Variants in RREB1 observed in about 807,000 individuals in gnomAD.
RREB1 encodes the protein ras responsive element binding protein 1, also known as ras-responsive element-binding protein 1.
Under a neutral mutation model 117.8 loss-of-function variants are expected in RREB1, and 27 were observed. The observed-to-expected ratio is 0.23, with a 90% CI of 0.17 to 0.32. The LOEUF (loss-of-function observed/expected upper bound fraction) is 0.32. RREB1 is among the 10% of genes least tolerant of loss of function. RREB1 has a pLI of 1.00. For synonymous variants in RREB1, 1,298 were observed against 1,026.7 expected, an observed-to-expected ratio of 1.26 and a Z score of -5.05; for missense variants, 2,577 against 2,378.2, an observed-to-expected ratio of 1.08 and a Z score of -1.74.
At chr6:7,172,695 G>GGC (rs1262439909) in intron 1 of RREB1, among the ~76,000 whole-genome samples, 3 of 146,392 alleles carry the variant, frequency 2.0e-5, no homozygotes, top group Admixed American at 2.0e-4. Context: ...CCGGTGTGGG[G>GGC]GGGTGGGGGT....
At chr6:7,238,564 T>TG (rs1172583226) in intron 10 of RREB1, among the ~76,000 whole-genome samples, 1 of 152,156 alleles carries the variant, frequency 6.6e-6, no homozygotes, top group East Asian at 1.9e-4. Context: ...AGACGCACCA[T>TG]GAACACTGAC....
chr6:7,126,569 G>C (rs1380491836), intron 1 of RREB1, among the ~76,000 whole-genome samples: 1 of 152,056 alleles, frequency 6.6e-6, no homozygotes, highest in Non-Finnish European at 1.5e-5. Flanking sequence ...GTGCTGGCAG[G>C]ACTGTTTTGA....
At chr6:7,204,085 C>T (rs1766137369) in intron 6 of RREB1, among the ~76,000 whole-genome samples, 1 of 152,176 alleles carries the variant, frequency 6.6e-6, no homozygotes, top group Admixed American at 6.5e-5. Context: ...CACTTCATGC[C>T]AGGCTGACTT....
At chr6:7,170,781 T>C (rs1764168693) in intron 1 of RREB1, among the ~76,000 whole-genome samples, 1 of 152,196 alleles carries the variant, frequency 6.6e-6, no homozygotes, top group Non-Finnish European at 1.5e-5. Context: ...TGGTTTTTGC[T>C]CTGGAGGTGT....
chr6:7,181,774 C>A, intron 3 of RREB1, 96 bp from the exon 4 acceptor site: 1 of 855,860 alleles, frequency 1.2e-6, no homozygotes, highest in Non-Finnish European at 1.9e-6. Context: ...ATGTTTTTGA[C>A]CTGAATTACA....
At chr6:7,121,809 G>C (rs1438605112) in intron 1 of RREB1, among the ~76,000 whole-genome samples, 2 of 152,000 alleles carry the variant, frequency 1.3e-5, no homozygotes, top group Admixed American at 1.3e-4. Flanking sequence ...AAAACCGACA[G>C]TGACGTGTTT....
chr6:7,229,768 G>A lies in RREB1; in HGVS notation c.1669G>A (p.Ala557Thr), dbSNP rs948467984. 1 of 1,605,570 alleles carries A rather than the reference G, an allele frequency of 6.2e-7. No individual in the cohort carries two copies. Among genetic ancestry groups the A allele is most frequent in the Non-Finnish European group, 8.5e-7 (1 of 1,174,662 alleles). Reference sequence around the variant, plus strand: ...GCTCCTCAAAGGCTCAGTGGAGGCGGCCTCCAACGCCCACCTGCTGCAGTC... The same window carrying A: ...GCTCCTCAAAGGCTCAGTGGAGGCGACCTCCAACGCCCACCTGCTGCAGTC... ...LKLLKGSVEA[A>T]SNAHLLQSKS... The change falls in exon 10 of 13, where the codon GCC becomes ACC. Residue 557 changes from alanine (A) to threonine (T), a missense_variant. Physicochemically the swap from Ala to Thr is moderately conservative, Grantham distance 58 (BLOSUM62 0). Transcript: ENST00000379938. The surrounding 1 kb of genome is among the most constrained non-coding windows in gnomAD (Gnocchi z 4.5).
chr6:7,140,237 GTTTT>G (rs199748432), intron 1 of RREB1, among the ~76,000 whole-genome samples: 2 of 151,240 alleles, frequency 1.3e-5, no homozygotes, highest in Admixed American at 6.6e-5. Context: ...TTAAAACATG[GTTTT>G]TTTTTCTTTC....
intron 1 of RREB1, among the ~76,000 whole-genome samples, chr6:7,160,429 A>G (rs777631045): frequency 2.0e-5 from 3 of 152,232 alleles, no homozygotes; most frequent in African/African-American, 7.2e-5. Context: ...GACTTTATCC[A>G]TAAGTATAGC....
At chr6:7,130,939 T>G (rs1008692585) in intron 1 of RREB1, among the ~76,000 whole-genome samples, 5 of 129,886 alleles carry the variant, frequency 3.8e-5, no homozygotes, top group Non-Finnish European at 6.5e-5. Flanking sequence ...CTTTTTTTTT[T>G]TTTTTTTTTT....
intron 1 of RREB1, among the ~76,000 whole-genome samples, chr6:7,126,821 G>A (rs1237417033): frequency 6.6e-6 from 1 of 152,048 alleles, no homozygotes; most frequent in African/African-American, 2.4e-5. Flanking sequence ...ACTTGCCCTG[G>A]GTACCAGCCT....
At chr6:7,141,976 C>T (rs1178384637) in intron 1 of RREB1, among the ~76,000 whole-genome samples, 1 of 152,220 alleles carries the variant, frequency 6.6e-6, no homozygotes, top group Non-Finnish European at 1.5e-5. Flanking sequence ...ATTTGGGAGG[C>T]CCAGGCAGGC....
intron 1 of RREB1, among the ~76,000 whole-genome samples, chr6:7,135,723 C>T (rs558529679): frequency 6.6e-6 from 1 of 152,288 alleles, no homozygotes; most frequent in East Asian, 1.9e-4. Context: ...TTTTATGTGC[C>T]ATCTGTATAT....
intron 6 of RREB1, among the ~76,000 whole-genome samples, chr6:7,202,908 GTTTGTT>G (rs1377932002): frequency 6.6e-6 from 1 of 152,150 alleles, no homozygotes; most frequent in Non-Finnish European, 1.5e-5. Flanking sequence ...GAGGTCTTTT[GTTTGTT>G]TTTAAGAATG....
chr6:7,149,400 G>C (rs1276965446), intron 1 of RREB1, among the ~76,000 whole-genome samples: 1 of 152,216 alleles, frequency 6.6e-6, no homozygotes, highest in African/African-American at 2.4e-5. Context: ...GAAGTCTCAA[G>C]TTAAATTTAA....
At chr6:7,201,787 G>C (rs1725914691) in intron 6 of RREB1, among the ~76,000 whole-genome samples, 1 of 152,130 alleles carries the variant, frequency 6.6e-6, no homozygotes, top group Non-Finnish European at 1.5e-5. Flanking sequence ...ATATAACCCA[G>C]CTTGCTCAAG....
At chr6:7,114,647 G>T (rs1329226183) in intron 1 of RREB1, among the ~76,000 whole-genome samples, 3 of 152,162 alleles carry the variant, frequency 2.0e-5, no homozygotes, top group African/African-American at 7.2e-5. Context: ...AGTCCACTGG[G>T]TGCGCTGCCT....
chr6:7,141,270 C>T (rs899122299), intron 1 of RREB1, among the ~76,000 whole-genome samples: 30 of 152,182 alleles, frequency 2.0e-4, no homozygotes, highest in Non-Finnish European at 4.1e-4. Context: ...TTCGCGCTGG[C>T]GTTCCCCCGT....
rs559488731 is a variant in RREB1 at position 7,154,792 on chromosome 6, C to G, written c.-284-21863C>G. 1.8e-3 allele frequency among the ~76,000 whole-genome samples: 277 copies of G among 152,200 alleles called. 2 individuals carry two copies. The highest frequency in any genetic ancestry group is 6.4e-3 in the African/African-American group (264 of 41,492). ...TGTTCATCTTTGGGTGGTTACCCAC[C>G]GGGCCTTAAGGTAGTCTTTTCATTT... On this transcript the variant is annotated intron_variant, in intron 1 of 12. Coordinates refer to ENST00000379938, the MANE Select transcript of RREB1 (RefSeq NM_001003699.4).
Sources: gnomAD v4.1 joint callset for allele counts (sites outside exome capture counted in the v4.1 genomes callset) on GRCh38, gnomAD v4.1.1 for gene constraint, Gnocchi (gnomAD v3.1) non-coding constraint, MANE v1.5 for transcripts, NCBI Gene and HGNC (gene_info 2026-07-23, HGNC 2026-07-21) for gene names.